Variants in ANXA13 observed in about 807,000 individuals in gnomAD.
The protein encoded by ANXA13 is annexin XIII.
Under a neutral mutation model 46.6 loss-of-function variants are expected in ANXA13, and 36 were observed. The observed-to-expected ratio is 0.77, with a 90% confidence interval of 0.59 to 1.02. The LOEUF is 1.02. Among genes scored for constraint, ANXA13 ranks in the 50% least tolerant of loss-of-function variants. The probability of loss-of-function intolerance (pLI) is 0.00; values close to 1 mark genes in which losing one functional copy is unlikely to be tolerated. For synonymous variants in ANXA13, 163 were observed against 152.9 expected (o/e 1.07, Z -0.49); for missense variants, 417 against 396.5 (o/e 1.05, Z -0.44).
At position 123,682,854 on chromosome 8, in the gene ANXA13, C is replaced by T. The variant is rs1367897277; in HGVS notation, c.832-1495G>A. On this transcript the variant is annotated intron_variant, in intron 10 of 10. Transcript: ENST00000419625. ...GTAACTGCCCACATGTTGAGATGGC[C>T]CAGGACGTGTGGTTGATTCTGAGAT... 3.3e-5 allele frequency among the ~76,000 whole-genome samples: 5 copies of T among 152,248 alleles called. No homozygotes were observed. In the East Asian group the frequency reaches 9.6e-4, roughly 29 times the overall value.
chr8:123,695,727 G>A lies in ANXA13; in HGVS notation c.358-6C>T. ...TCTTTAATGGCGATGATTTCCTAGGGAAGGTAATTTACAAAAAAATCAATA... is the reference window on the plus strand; with the variant it reads ...TCTTTAATGGCGATGATTTCCTAGGAAAGGTAATTTACAAAAAAATCAATA... On this transcript the variant is annotated splice_region_variant and splice_polypyrimidine_tract_variant and intron_variant, in intron 4 of 10. Coordinates refer to ENST00000419625, the MANE Select transcript of ANXA13 (RefSeq NM_004306.4). The A allele has an allele frequency of 6.2e-7, 1 of 1,611,662 alleles. No individual in the cohort carries two copies. The highest frequency in any genetic ancestry group is 8.5e-7 in the Non-Finnish European group (1 of 1,178,124).
intron 1 of ANXA13, among the ~76,000 whole-genome samples, chr8:123,717,137 T>C (rs1813771618): frequency 6.6e-6 from 1 of 152,216 alleles, no homozygotes; most frequent in Admixed American, 6.5e-5. Flanking sequence ...GGTCTGCGCT[T>C]TGAGCCCACA....
At chr8:123,703,461 GTTGAA>G (rs1355459360) in intron 2 of ANXA13, among the ~76,000 whole-genome samples, 42 of 152,254 alleles carry the variant, frequency 2.8e-4, no homozygotes, top group African/African-American at 9.6e-4. Flanking sequence ...AATAAAAACT[GTTGAA>G]TTGAACACTT....
Position 123,684,493 on chromosome 8 carries a change from C to T in ANXA13, c.831+117G>A, listed in dbSNP as rs139652353. ...TGCAAATTCTGGGAAGGCAAGGGGC[C>T]GTCTCTGTTTTACTTTTTCTGTAAA... On this transcript the variant is annotated intron_variant, in intron 10 of 10. Coordinates refer to ENST00000419625, the MANE Select transcript of ANXA13 (RefSeq NM_004306.4). 7.4e-4 allele frequency: 495 copies of T among 670,586 alleles called. 3 individuals are homozygous for T. The highest frequency in any genetic ancestry group is 7.0e-3 in the African/African-American group (389 of 55,344). The allele number at this position is 670,586 out of a possible 1,614,324, so 41.5% of individuals were successfully genotyped here.
chr8:123,719,147 G>A (rs1268119699), intron 1 of ANXA13, among the ~76,000 whole-genome samples: 1 of 152,226 alleles, frequency 6.6e-6, no homozygotes, highest in Non-Finnish European at 1.5e-5. Flanking sequence ...AACACAGCCA[G>A]AAATACACTC....
intron 2 of ANXA13, among the ~76,000 whole-genome samples, chr8:123,706,057 T>A (rs1362613836): frequency 6.6e-6 from 1 of 152,198 alleles, no homozygotes; most frequent in East Asian, 1.9e-4. Context: ...CATTTAGCTG[T>A]TTGGTTTCAA....
At chr8:123,726,371 C>G (rs1330283861) in intron 1 of ANXA13, among the ~76,000 whole-genome samples, 8 of 152,208 alleles carry the variant, frequency 5.3e-5, no homozygotes, top group Admixed American at 2.0e-4. Flanking sequence ...GAAGGCCCTT[C>G]AATATGCTGT....
chr8:123,696,641 G>T (rs372786921), intron 4 of ANXA13, among the ~76,000 whole-genome samples: 1 of 152,082 alleles, frequency 6.6e-6, no homozygotes, highest in East Asian at 1.9e-4. Context: ...AAGCGGTGGG[G>T]AGCCTCACTG....
intron 2 of ANXA13, among the ~76,000 whole-genome samples, chr8:123,706,003 T>C (rs1020688472): frequency 2.6e-5 from 4 of 152,184 alleles, no homozygotes; most frequent in African/African-American, 9.7e-5. Context: ...CTTGAACCGT[T>C]CACTTAACCT....
intron 10 of ANXA13, among the ~76,000 whole-genome samples, chr8:123,682,795 C>G (rs1180217000): frequency 1.3e-5 from 2 of 152,192 alleles, no homozygotes; most frequent in African/African-American, 4.8e-5. Context: ...TCTGGCCAAA[C>G]TACTATATCT....
intron 1 of ANXA13, among the ~76,000 whole-genome samples, chr8:123,725,948 C>T (rs1813978253): frequency 6.6e-6 from 1 of 152,180 alleles, no homozygotes; most frequent in Non-Finnish European, 1.5e-5. Flanking sequence ...CAGAGTTGTT[C>T]ATTGCTGTTG....
At chr8:123,703,551 G>C (rs548740348) in intron 2 of ANXA13, among the ~76,000 whole-genome samples, 1 of 152,134 alleles carries the variant, frequency 6.6e-6, no homozygotes, top group Non-Finnish European at 1.5e-5. Flanking sequence ...GAAAAAGATG[G>C]CCTGTTCCTT....
At chr8:123,700,352 G>A (rs907390824) in intron 3 of ANXA13, among the ~76,000 whole-genome samples, 9 of 152,232 alleles carry the variant, frequency 5.9e-5, no homozygotes, top group African/African-American at 2.2e-4. Flanking sequence ...CAGAGTAGAA[G>A]GCTCGGGATA....
intron 9 of ANXA13, among the ~76,000 whole-genome samples, chr8:123,685,689 G>A (rs375049876): frequency 1.3e-5 from 2 of 152,334 alleles, no homozygotes; most frequent in African/African-American, 4.8e-5. Context: ...AGCAGAGTTC[G>A]GGAAGGAGAG....
chr8:123,733,226 G>A (rs76751990), intron 1 of ANXA13, among the ~76,000 whole-genome samples: 2 of 125,316 alleles, frequency 1.6e-5, no homozygotes, highest in African/African-American at 3.0e-5. Context: ...AAATAAATAA[G>A]GATCTTATTT....
chr8:123,693,859 T>G, intron 6 of ANXA13, 80 bp from the exon 7 acceptor site: 2 of 1,315,222 alleles, frequency 1.5e-6, no homozygotes, highest in Non-Finnish European at 2.2e-6. Context: ...AACAAAGTCC[T>G]GGAGAAAGAG....
intron 2 of ANXA13, among the ~76,000 whole-genome samples, chr8:123,704,104 C>T (rs936093680): frequency 6.6e-6 from 1 of 152,036 alleles, no homozygotes; most frequent in African/African-American, 2.4e-5. Flanking sequence ...CGCGGTGGTC[C>T]TAAGCACGCA....
At chr8:123,686,825 G>A (rs950245269) in intron 9 of ANXA13, among the ~76,000 whole-genome samples, 1 of 152,198 alleles carries the variant, frequency 6.6e-6, no homozygotes, top group African/African-American at 2.4e-5. Context: ...TGGCATCGCT[G>A]TAAGTTAGGT....
chr8:123,684,547 T>C, intron 10 of ANXA13, 63 bp downstream of exon 10: 1 of 1,116,692 alleles, frequency 9.0e-7, no homozygotes, highest in Non-Finnish European at 1.4e-6. Flanking sequence ...TATTTGTTGA[T>C]GACATCAGTG....
Sources: gnomAD v4.1 joint callset for allele counts (sites outside exome capture counted in the v4.1 genomes callset) on GRCh38, gnomAD v4.1.1 for gene constraint, MANE v1.5 for transcripts, NCBI Gene and HGNC (gene_info 2026-07-23, HGNC 2026-07-21) for gene names.